Variants in DENND1A observed in about 807,000 individuals in gnomAD.
DENND1A encodes the protein DENN domain containing 1A.
In DENND1A, 51 loss-of-function variants were observed where a neutral mutation model predicts 113.7. The ratio of observed to expected loss-of-function variants is 0.45; its 90% CI spans 0.36 to 0.57. The LOEUF (loss-of-function observed/expected upper bound fraction) is 0.57. DENND1A is among the 20% of genes least tolerant of loss of function. The probability of loss-of-function intolerance (pLI) is 0.00; values close to 1 mark genes in which losing one functional copy is unlikely to be tolerated. For synonymous variants in DENND1A, 565 were observed against 570.8 expected (o/e 0.99, Z 0.14); for missense variants, 1,258 against 1,395.9 (o/e 0.90, Z 1.57).
chr9:123,625,587 T>C (rs2061171725), intron 10 of DENND1A, among the ~76,000 whole-genome samples: 1 of 151,990 alleles, frequency 6.6e-6, no homozygotes, highest in Non-Finnish European at 1.5e-5. Context: ...CTACTAAAAA[T>C]ACAAAAATTA....
chr9:123,514,506 G>A (rs1302487049), intron 13 of DENND1A, among the ~76,000 whole-genome samples: 1 of 152,176 alleles, frequency 6.6e-6, no homozygotes, highest in African/African-American at 2.4e-5. Flanking sequence ...GTCAGAGTCA[G>A]GGAGGGCAAG....
chr9:123,890,656 A>G (rs976797993), intron 1 of DENND1A, among the ~76,000 whole-genome samples: 12 of 152,204 alleles, frequency 7.9e-5, no homozygotes, highest in Non-Finnish European at 1.5e-4. Flanking sequence ...CAACAACTCT[A>G]TGAAAGAACT....
intron 10 of DENND1A, among the ~76,000 whole-genome samples, chr9:123,626,821 TTAATGATACC>T (rs1333539469): frequency 2.6e-5 from 4 of 151,984 alleles, no homozygotes; most frequent in African/African-American, 2.4e-5. Context: ...AAAGGGGTGT[TTAATGATACC>T]CAAGAAAACA....
intron 8 of DENND1A, 94 bp from the exon 9 acceptor site, chr9:123,652,217 GA>G: frequency 9.4e-7 from 1 of 1,059,874 alleles, no homozygotes; most frequent in Non-Finnish European, 1.4e-6. Flanking sequence ...AAAATAATCA[GA>G]AAGTATACTC....
At chr9:123,456,509 C>T (rs2048136329) in intron 15 of DENND1A, among the ~76,000 whole-genome samples, 1 of 152,196 alleles carries the variant, frequency 6.6e-6, no homozygotes, top group Non-Finnish European at 1.5e-5. Flanking sequence ...AATAATTTGT[C>T]ATATTTTAAA....
In DENND1A at chr9:123,382,022, G is replaced by T. The variant is rs779697484; in HGVS notation, c.2623C>A (p.Gln875Lys). 6.7e-7 allele frequency: 1 copy of T among 1,487,994 alleles called. No homozygotes were observed. Among genetic ancestry groups the T allele is most frequent in the African/African-American group, 1.4e-5 (1 of 71,340 alleles). 92.2% of individuals were successfully genotyped at this position (1,487,994 alleles called of 1,614,324 possible). Reference protein sequence around the residue: ...TPNVATPFTPQFSFPPAGTPT... With the variant: ...TPNVATPFTPKFSFPPAGTPT... Reference sequence around the variant, plus strand: ...GTCCCTGCAGGGGGGAAGCTGAATTGGGGGGTGAATGGGGTGGCTACATTC... The same window carrying T: ...GTCCCTGCAGGGGGGAAGCTGAATTTGGGGGTGAATGGGGTGGCTACATTC... The change falls in exon 24 of 24, where the codon CAA (glutamine) becomes AAA (lysine). Residue 875 changes from glutamine (Q) to lysine (K), a missense_variant. Physicochemically the swap from Gln to Lys is moderately conservative, Grantham distance 53. Around this residue, in one of 2 missense-constraint regions of DENND1A, gnomAD observed 1,159 missense variants for 1,231.7 expected, o/e 0.94. Transcript: ENST00000394215.
intron 5 of DENND1A, among the ~76,000 whole-genome samples, chr9:123,717,310 T>A (rs1050099613): frequency 1.3e-5 from 2 of 152,108 alleles, no homozygotes; most frequent in African/African-American, 4.8e-5. Context: ...ATGAATGGGG[T>A]CTATACCATG....
At chr9:123,676,151 C>T (rs1158600503) in intron 6 of DENND1A, among the ~76,000 whole-genome samples, 1 of 152,172 alleles carries the variant, frequency 6.6e-6, no homozygotes, top group African/African-American at 2.4e-5. Context: ...CTTTGACATC[C>T]ATGGAAGATA....
At chr9:123,905,410 G>C (rs1852596913) in intron 1 of DENND1A, among the ~76,000 whole-genome samples, 1 of 147,342 alleles carries the variant, frequency 6.8e-6, no homozygotes, top group South Asian at 2.2e-4. Flanking sequence ...ACACAGACTG[G>C]CAAATTGGAT....
chr9:123,607,545 AGAGTGTGTGTGTGTGT>A (rs2060225832), intron 11 of DENND1A, among the ~76,000 whole-genome samples: 1 of 105,882 alleles, frequency 9.4e-6, no homozygotes, highest in Non-Finnish European at 2.1e-5. Flanking sequence ...AGAGAGAGAG[AGAGTGTGTGTGTGTGT>A]GTGTGTGTGT....
At chr9:123,814,356 T>G (rs2132497876) in intron 2 of DENND1A, among the ~76,000 whole-genome samples, 1 of 152,288 alleles carries the variant, frequency 6.6e-6, no homozygotes, top group Non-Finnish European at 1.5e-5. Context: ...GAGAATATCA[T>G]TTTTAACAGC....
chr9:123,428,986 A>G (rs2045940756), intron 19 of DENND1A, among the ~76,000 whole-genome samples: 1 of 152,242 alleles, frequency 6.6e-6, no homozygotes, highest in South Asian at 2.1e-4. Flanking sequence ...TATAGATTCA[A>G]TGCTAATCCC....
chr9:123,723,888 G>A (rs79099059), intron 5 of DENND1A, among the ~76,000 whole-genome samples: 11,735 of 152,152 alleles, frequency 0.077, 501 homozygotes, highest in Admixed American at 0.11. Flanking sequence ...CTCCTGCAAG[G>A]ACATGTCATC....
chr9:123,466,532 A>T (rs1344316849), intron 13 of DENND1A, among the ~76,000 whole-genome samples: 1 of 152,066 alleles, frequency 6.6e-6, no homozygotes, highest in Non-Finnish European at 1.5e-5. Flanking sequence ...ACTGACCTCA[A>T]GTGATCCACC....
At chr9:123,677,873 C>T (rs2064187172) in intron 5 of DENND1A, among the ~76,000 whole-genome samples, 1 of 152,228 alleles carries the variant, frequency 6.6e-6, no homozygotes, top group African/African-American at 2.4e-5. Flanking sequence ...CCCTTGCCCA[C>T]TTTTCTGGTT....
In DENND1A at chr9:123,472,058, A is replaced by G. The variant is rs114449593; in HGVS notation, c.994-14161T>C. On this transcript the variant is annotated intron_variant, in intron 13 of 23. Transcript: ENST00000394215. ...CTACCTACTTCCTATTGTGAGGTTT[A>G]AGGTGATATGGTGTGTGTCAAGCTG... Among the ~76,000 whole-genome samples, 625 of 152,276 alleles carry G rather than the reference A, an allele frequency of 4.1e-3. 3 individuals are homozygous for G. Among genetic ancestry groups the G allele is most frequent in the African/African-American group, 0.014 (592 of 41,536 alleles).
chr9:123,658,684 T>C (rs1306920930), intron 8 of DENND1A, among the ~76,000 whole-genome samples: 1 of 152,200 alleles, frequency 6.6e-6, no homozygotes, highest in Admixed American at 6.5e-5. Flanking sequence ...TTTCTTCTCC[T>C]GGGGGTGGCT....
intron 12 of DENND1A, among the ~76,000 whole-genome samples, chr9:123,564,386 C>G (rs2136191535): frequency 6.6e-6 from 1 of 152,354 alleles, no homozygotes; most frequent in South Asian, 2.1e-4. Context: ...CTCCACTGCT[C>G]TGGAGAAAAA....
At chr9:123,880,149 A>G (rs1246429013) in intron 1 of DENND1A, among the ~76,000 whole-genome samples, 2 of 152,140 alleles carry the variant, frequency 1.3e-5, no homozygotes, top group Non-Finnish European at 2.9e-5. Context: ...AGTAGCTTGG[A>G]TTACAGGAAC....
Sources: allele counts gnomAD v4.1 joint callset (sites outside exome capture counted in the v4.1 genomes callset), GRCh38; gene constraint gnomAD v4.1.1; regional missense constraint gnomAD v4.1.1; transcripts MANE v1.5; gene names NCBI Gene and HGNC (gene_info 2026-07-23, HGNC 2026-07-21).